Variants in NCOA2 observed in about 807,000 individuals in gnomAD.
NCOA2 encodes the protein nuclear receptor coactivator 2.
A neutral mutation model predicts 145.1 loss-of-function variants in NCOA2; 21 were observed. The ratio of observed to expected loss-of-function variants is 0.14; its 90% CI spans 0.10 to 0.21. The LOEUF (loss-of-function observed/expected upper bound fraction) is 0.21, where lower values mean the gene tolerates loss of function less well. Ranked by LOEUF, NCOA2 falls within the 10% of genes least tolerant of loss-of-function variation. The pLI is 1.00. For missense variants in NCOA2, 1,472 were observed against 1,837.6 expected, an observed-to-expected ratio of 0.80 and a Z score of 3.64; for synonymous variants, 619 against 637.5, an observed-to-expected ratio of 0.97 and a Z score of 0.44.
intron 2 of NCOA2, among the ~76,000 whole-genome samples, chr8:70,291,875 G>A (rs902189970): frequency 5.3e-5 from 8 of 152,002 alleles, no homozygotes; most frequent in Admixed American, 1.3e-4. Flanking sequence ...CGAGGCGGGC[G>A]GATCACAAGG....
At chr8:70,225,972 G>A (rs373684598) in intron 2 of NCOA2, among the ~76,000 whole-genome samples, 4 of 152,228 alleles carry the variant, frequency 2.6e-5, no homozygotes, top group African/African-American at 9.6e-5. Flanking sequence ...GCACAGAAGA[G>A]CAGCTGGCAT....
intron 1 of NCOA2, among the ~76,000 whole-genome samples, chr8:70,384,978 A>G (rs1812527932): frequency 6.6e-6 from 1 of 152,262 alleles, no homozygotes; most frequent in South Asian, 2.1e-4. Flanking sequence ...CAGTTACTCT[A>G]AACAGTGAAT....
At chr8:70,238,150 ACGCG>A (rs901327066) in intron 2 of NCOA2, among the ~76,000 whole-genome samples, 6 of 151,762 alleles carry the variant, frequency 4.0e-5, no homozygotes, top group African/African-American at 7.3e-5. Flanking sequence ...GCATGTGCAC[ACGCG>A]CGCGCGCGCG....
intron 11 of NCOA2, among the ~76,000 whole-genome samples, chr8:70,152,384 G>C (rs999665257): frequency 6.6e-6 from 1 of 152,148 alleles, no homozygotes; most frequent in Non-Finnish European, 1.5e-5. Context: ...TAAATAAAAA[G>C]TATAATTTTA....
At chr8:70,214,138 C>T (rs965871221) in intron 3 of NCOA2, 63 bp from the exon 4 acceptor site, 25 of 1,466,842 alleles carry the variant, frequency 1.7e-5, no homozygotes, top group East Asian at 2.3e-5. Flanking sequence ...AAAAAATGAA[C>T]GTGTTAAACA....
chr8:70,300,936 C>T (rs1827441577), intron 1 of NCOA2, among the ~76,000 whole-genome samples: 1 of 152,158 alleles, frequency 6.6e-6, no homozygotes, highest in Non-Finnish European at 1.5e-5. Context: ...CTGCTACTAT[C>T]ATGTCCACCT....
intron 2 of NCOA2, among the ~76,000 whole-genome samples, chr8:70,246,235 CATT>C: frequency 6.6e-6 from 1 of 152,202 alleles, no homozygotes; most frequent in East Asian, 1.9e-4. Context: ...CAGCTGATCA[CATT>C]ATATTCCTAC....
At position 70,155,957 on chromosome 8, in the gene NCOA2, G is replaced by A. The variant is rs1471847180; in HGVS notation, c.2394+14C>T. On this transcript the variant is annotated intron_variant, in intron 11 of 22. Transcript: ENST00000452400. Reference sequence around the variant, plus strand: ...CAGATTAGTACACCTGCGAGAAGATGTGATAAAACTTACCTGGTCACCAGG... The same window carrying A: ...CAGATTAGTACACCTGCGAGAAGATATGATAAAACTTACCTGGTCACCAGG... The A allele has an allele frequency of 1.3e-6, 2 of 1,543,720 alleles. No individual in the cohort carries two copies. The highest frequency in any genetic ancestry group is 1.4e-5 in the African/African-American group (1 of 72,308).
At chr8:70,228,737 G>GC (rs980788503) in intron 2 of NCOA2, among the ~76,000 whole-genome samples, 4 of 152,158 alleles carry the variant, frequency 2.6e-5, no homozygotes, top group African/African-American at 4.8e-5. Flanking sequence ...GCTATAACTA[G>GC]CAAGTAATAA....
chr8:70,132,012 C>T lies in NCOA2; in HGVS notation c.3159-10G>A, dbSNP rs200339797. The T allele has an allele frequency of 3.7e-6, 6 of 1,609,608 alleles. No homozygotes were observed. In the Admixed American group the frequency reaches 5.0e-5, roughly 14 times the overall value. Reference sequence around the variant, plus strand: ...ACTGCCAAATGGCTGCCTGTAAAGACAGAAATGTCACCTTGGGCCAATGGA... The same window carrying T: ...ACTGCCAAATGGCTGCCTGTAAAGATAGAAATGTCACCTTGGGCCAATGGA... On this transcript the variant is annotated splice_polypyrimidine_tract_variant and intron_variant, in intron 15 of 22. Coordinates refer to ENST00000452400, the MANE Select transcript of NCOA2 (RefSeq NM_006540.4).
intron 18 of NCOA2, among the ~76,000 whole-genome samples, chr8:70,127,972 T>TTCCTAAGTGC (rs1808627706): frequency 1.3e-5 from 2 of 152,192 alleles, no homozygotes; most frequent in South Asian, 4.1e-4. Flanking sequence ...CTCTCTAGTG[T>TTCCTAAGTGC]TCCTAAGTGC....
At chr8:70,387,443 T>C (rs1257139618) in intron 1 of NCOA2, among the ~76,000 whole-genome samples, 3 of 152,240 alleles carry the variant, frequency 2.0e-5, no homozygotes, top group South Asian at 4.1e-4. Flanking sequence ...TCATATTGAA[T>C]CACTTCATAC....
chr8:70,120,743 CA>C (rs1329098016), intron 22 of NCOA2, among the ~76,000 whole-genome samples: 2 of 151,464 alleles, frequency 1.3e-5, no homozygotes, highest in Admixed American at 6.6e-5. Context: ...CAAAACAAAA[CA>C]AAAAAACAAA....
intron 12 of NCOA2, among the ~76,000 whole-genome samples, chr8:70,146,956 G>GCTGGGATTA: frequency 6.6e-6 from 1 of 152,194 alleles, no homozygotes; most frequent in African/African-American, 2.4e-5. Flanking sequence ...CTCCCCAAGT[G>GCTGGGATTA]CTGGGATTAC....
intron 15 of NCOA2, among the ~76,000 whole-genome samples, chr8:70,137,160 C>G (rs1275721045): frequency 6.6e-6 from 1 of 152,350 alleles, no homozygotes; most frequent in East Asian, 1.9e-4. Context: ...CTGCCTCAGC[C>G]TCCCGAGTAT....
chr8:70,113,790 G>A (rs1028958272), intron 22 of NCOA2, 147 bp from the exon 23 acceptor site: 4 of 782,554 alleles, frequency 5.1e-6, no homozygotes, highest in Non-Finnish European at 8.5e-6. Context: ...CATTCGATGT[G>A]GAGGTGAACA....
chr8:70,385,568 AG>A (rs1332446518), intron 1 of NCOA2, among the ~76,000 whole-genome samples: 1 of 152,186 alleles, frequency 6.6e-6, no homozygotes, highest in African/African-American at 2.4e-5. Context: ...CTAGAACTAC[AG>A]GTGCCCGCCA....
intron 1 of NCOA2, among the ~76,000 whole-genome samples, chr8:70,316,995 C>T (rs1805634127): frequency 6.6e-6 from 1 of 152,090 alleles, no homozygotes; most frequent in Admixed American, 6.6e-5. Flanking sequence ...CTGATCTCTG[C>T]GTGGAGCCCC....
chr8:70,439,491 TGAA>T, the NCOA2 span, among the ~76,000 whole-genome samples: 6 of 152,244 alleles, frequency 3.9e-5, no homozygotes, highest in South Asian at 2.1e-4. Context: ...ACAGCACAAA[TGAA>T]GATGCAATAC....
Sources: allele counts gnomAD v4.1 joint callset (sites outside exome capture counted in the v4.1 genomes callset), GRCh38; gene constraint gnomAD v4.1.1; transcripts MANE v1.5; gene names NCBI Gene and HGNC (gene_info 2026-07-23, HGNC 2026-07-21).